The following C2CD2 variants were observed in gnomAD, a reference collection of about 807,000 sequenced individuals.
The protein encoded by C2CD2 is C2 domain-containing protein 2.
A neutral mutation model predicts 74.3 loss-of-function variants in C2CD2; 43 were observed. The ratio of observed to expected loss-of-function variants is 0.58; its 90% confidence interval spans 0.45 to 0.75. The LOEUF (loss-of-function observed/expected upper bound fraction) is 0.75, where lower values mean the gene tolerates loss of function less well. Ranked by LOEUF, C2CD2 falls within the 30% of genes least tolerant of loss-of-function variation. The probability of loss-of-function intolerance (pLI) is 0.00; values close to 1 mark genes in which losing one functional copy is unlikely to be tolerated. For synonymous variants in C2CD2, 422 were observed against 390.7 expected (o/e 1.08, Z -0.94); for missense variants, 801 against 916.3 (o/e 0.87, Z 1.63).
rs913299098 is a variant in C2CD2 at position 41,924,833 on chromosome 21, G to A, written c.379-2748C>T. Among the ~76,000 whole-genome samples, 1 of 152,138 alleles carries A rather than the reference G, an allele frequency of 6.6e-6. No homozygotes were observed. The highest frequency in any genetic ancestry group is 2.4e-5 in the African/African-American group (1 of 41,414). On this transcript the variant is annotated intron_variant, in intron 2 of 13. Transcript: ENST00000380486. The surrounding 1 kb of genome is among the most constrained non-coding windows in gnomAD (Gnocchi z 4.4). ...TCAGAGCCTCAACCCGAGCAAGAAA[G>A]AATTTCATTTTCTTTCGTATCCAGT...
chr21:41,904,946 C>T (rs1228786066), intron 11 of C2CD2, among the ~76,000 whole-genome samples: 1 of 152,186 alleles, frequency 6.6e-6, no homozygotes, highest in Non-Finnish European at 1.5e-5. Flanking sequence ...AGTCTATTAC[C>T]TGAAACTGAC....
intron 2 of C2CD2, among the ~76,000 whole-genome samples, chr21:41,925,430 G>A (rs1365148357): frequency 1.3e-5 from 2 of 152,186 alleles, no homozygotes; most frequent in Non-Finnish European, 2.9e-5. Flanking sequence ...GCTGCAGTGA[G>A]CCGTGATTGT....
At chr21:41,941,647 C>G (rs2065355228) in intron 2 of C2CD2, among the ~76,000 whole-genome samples, 1 of 152,156 alleles carries the variant, frequency 6.6e-6, no homozygotes, top group Non-Finnish European at 1.5e-5. Flanking sequence ...CTATACAAAT[C>G]AATGGTTTTA....
chr21:41,919,840 A>T (rs1019928045), intron 3 of C2CD2, among the ~76,000 whole-genome samples: 1 of 152,184 alleles, frequency 6.6e-6, no homozygotes, highest in Non-Finnish European at 1.5e-5. Flanking sequence ...CCTACAGGGC[A>T]CAGGAGACTT....
rs1393268172 is a variant in C2CD2 at position 41,886,281 on chromosome 21, G to A, written c.*2843C>T. 1.3e-5 allele frequency: 2 copies of A among 152,222 alleles called. No individual in the cohort carries two copies. The highest frequency in any genetic ancestry group is 2.9e-5 in the Non-Finnish European group (2 of 68,042). 9.4% of individuals were successfully genotyped at this position (152,222 alleles called of 1,614,324 possible). ...CCACAAAAGCTTGTAGAAGAGGTGA[G>A]GCGATAAAGGTGATTTACACATCAG... On this transcript the variant is annotated 3_prime_UTR_variant, in exon 14 of 14. Transcript: ENST00000380486.
At chr21:41,894,549 C>G in intron 13 of C2CD2, 1 of 432,050 alleles carries the variant, frequency 2.3e-6, no homozygotes, top group Non-Finnish European at 4.7e-6. Context: ...TCTGTGGCCC[C>G]TGGGGAGGAG....
At position 41,907,101 on chromosome 21, in the gene C2CD2, T is replaced by C; in HGVS notation, c.1209A>G (p.Lys403=). The C allele has an allele frequency of 6.2e-7, 1 of 1,614,112 alleles. No homozygotes were observed. Among genetic ancestry groups the C allele is most frequent in the Non-Finnish European group, 8.5e-7 (1 of 1,179,920 alleles). Residue 403 remains lysine (K), a synonymous_variant, in exon 10 of 14, where the codon AAA becomes AAG. Coordinates refer to ENST00000380486, the MANE Select transcript of C2CD2 (RefSeq NM_015500.2). ...WPIPPPVPAA[K]IEKDRTVMPC... ...GCATCACCGTGCGGTCCTTTTCTATTTTTGCAGCAGGAACAGGGGGAGGGA... is the reference window on the plus strand; with the variant it reads ...GCATCACCGTGCGGTCCTTTTCTATCTTTGCAGCAGGAACAGGGGGAGGGA...
rs912005461 is a variant in C2CD2, at chr21:41,895,798, G to A, written c.1870+3255C>T. ...ACATAAATAGCGAATTGAAGGTTCT[G>A]TCTTAAAACCCAGCAGAAAGAAAAA... On this transcript the variant is annotated intron_variant, in intron 13 of 13. Coordinates refer to ENST00000380486, the MANE Select transcript of C2CD2 (RefSeq NM_015500.2). The surrounding 1 kb of genome is among the most constrained non-coding windows in gnomAD (Gnocchi z 5.0). Among the ~76,000 whole-genome samples the A allele has an allele frequency of 6.6e-6, 1 of 151,962 alleles. No homozygotes were observed. The highest frequency in any genetic ancestry group is 6.6e-5 in the Admixed American group (1 of 15,252).
intron 5 of C2CD2, among the ~76,000 whole-genome samples, chr21:41,916,572 G>A (rs1011193959): frequency 2.0e-5 from 3 of 151,616 alleles, no homozygotes; most frequent in South Asian, 2.1e-4. Context: ...CTTCAGACTC[G>A]AACTAGAATT....
intron 2 of C2CD2, among the ~76,000 whole-genome samples, chr21:41,932,005 C>CTCCCCACCTCCAGCATCCCACT (rs2065266573): frequency 1.6e-5 from 2 of 123,280 alleles, no homozygotes; most frequent in African/African-American, 5.8e-5. Flanking sequence ...AGCATCCCAC[C>CTCCCCACCTCCAGCATCCCACT]TCCCCACCTC....
At chr21:41,927,706 T>C (rs2065227223) in intron 2 of C2CD2, among the ~76,000 whole-genome samples, 1 of 152,156 alleles carries the variant, frequency 6.6e-6, no homozygotes, top group South Asian at 2.1e-4. Context: ...CCTGACCTCA[T>C]GATCCACCCA....
chr21:41,899,000 A>C, intron 13 of C2CD2, 53 bp downstream of exon 13: 4 of 1,368,350 alleles, frequency 2.9e-6, no homozygotes, highest in Non-Finnish European at 4.1e-6. Flanking sequence ...AGCCAGCATG[A>C]GCGCAAAGCC....
chr21:41,951,285 C>T (rs1241875369), intron 1 of C2CD2, among the ~76,000 whole-genome samples: 1 of 152,186 alleles, frequency 6.6e-6, no homozygotes, highest in African/African-American at 2.4e-5. Context: ...TCACCCAGAT[C>T]CTATCTGCCT....
chr21:41,926,685 A>T lies in C2CD2; in HGVS notation c.379-4600T>A. 1.0e-6 allele frequency: 1 copy of T among 953,036 alleles called. No homozygotes were observed. Among genetic ancestry groups the T allele is most frequent in the Non-Finnish European group, 1.2e-6 (1 of 800,476 alleles). The allele number at this position is 953,036 out of a possible 1,614,324, so 59.0% of individuals were successfully genotyped here. A position where few individuals can be genotyped will look rare whatever the true frequency, so the allele number is the denominator to read the frequency against. ...CTGTTCACCAACAAGAGAGCCCCTG[A>T]GTCTTCAGATCTCACTGTGCCCTTT... is the stretch of plus-strand genomic sequence containing the variant. On this transcript the variant is annotated intron_variant, in intron 2 of 13. Coordinates refer to ENST00000380486, the MANE Select transcript of C2CD2 (RefSeq NM_015500.2). This position sits in a 1 kb window ranked among gnomAD's most constrained non-coding sequence, Gnocchi z 8.0.
chr21:41,948,804 T>C (rs1301553958), intron 1 of C2CD2, among the ~76,000 whole-genome samples: 1 of 148,482 alleles, frequency 6.7e-6, no homozygotes, highest in Non-Finnish European at 1.5e-5. Flanking sequence ...TTTGTTTACT[T>C]TTTAAATGCA....
At position 41,923,834 on chromosome 21, in the gene C2CD2, G is replaced by C. The variant is rs1026422072; in HGVS notation, c.379-1749C>G. On this transcript the variant is annotated intron_variant, in intron 2 of 13. Transcript: ENST00000380486. This position sits in a 1 kb window ranked among gnomAD's most constrained non-coding sequence, Gnocchi z 5.8. ...GACCCCTCCCCGCTCCCCTCCCGGG[G>C]GCAGAGGGCCAAGCAGACACGTGTG... 2.6e-5 allele frequency among the ~76,000 whole-genome samples: 4 copies of C among 152,154 alleles called. No homozygotes were observed. Among genetic ancestry groups the C allele is most frequent in the African/African-American group, 9.7e-5 (4 of 41,428 alleles).
chr21:41,894,262 C>T (rs1296619911), intron 13 of C2CD2, among the ~76,000 whole-genome samples: 1 of 152,202 alleles, frequency 6.6e-6, no homozygotes, highest in Admixed American at 6.5e-5. Flanking sequence ...GGCCTGATCC[C>T]TACCATTTTT....
At chr21:41,912,000 C>T (rs4919994) in intron 7 of C2CD2, among the ~76,000 whole-genome samples, 20,933 of 152,184 alleles carry the variant, frequency 0.14, 1,697 homozygotes, top group Middle Eastern at 0.29. Context: ...CTGCACCCAG[C>T]GCCTTTTTCT....
rs866808600 is a variant in C2CD2 at position 41,899,873 on chromosome 21, C to A, written c.1561-511G>T. 6.7e-6 allele frequency among the ~76,000 whole-genome samples: 1 copy of A among 149,308 alleles called. No homozygotes were observed. Among genetic ancestry groups the A allele is most frequent in the East Asian group, 2.0e-4 (1 of 5,098 alleles). ...AATGAACCTCTGAGAGTCGGGATAG[C>A]GCTTCCTTGGAGGGGGGAAAGTTTG... On this transcript the variant is annotated intron_variant, in intron 12 of 13. Coordinates refer to ENST00000380486, the MANE Select transcript of C2CD2 (RefSeq NM_015500.2). This position sits in a 1 kb window ranked among gnomAD's most constrained non-coding sequence, Gnocchi z 4.4.
Sources: gnomAD v4.1 joint callset for allele counts (sites outside exome capture counted in the v4.1 genomes callset) on GRCh38, gnomAD v4.1.1 for gene constraint, Gnocchi (gnomAD v3.1) non-coding constraint, MANE v1.5 for transcripts, NCBI Gene and HGNC (gene_info 2026-07-23, HGNC 2026-07-21) for gene names.